SLC39A11: variants seen among roughly 807,000 people sequenced by gnomAD.
SLC39A11 encodes zinc transporter ZIP11.
SLC39A11 carries 33 observed loss-of-function variants against 36.1 expected under a neutral mutation model. The ratio of observed to expected loss-of-function variants is 0.91; its 90% CI spans 0.69 to 1.22. The LOEUF (loss-of-function observed/expected upper bound fraction) is 1.22, where lower values mean the gene tolerates loss of function less well. SLC39A11 is among the 50% of genes most tolerant of loss of function. The pLI, the probability that SLC39A11 is intolerant of heterozygous loss-of-function variation, is 0.00. For synonymous variants in SLC39A11, 166 were observed against 170.3 expected (o/e 0.97, Z 0.20); for missense variants, 432 against 430.3 (o/e 1.00, Z -0.03).
chr17:72,866,686 A>G (rs1009252051), intron 5 of SLC39A11, among the ~76,000 whole-genome samples: 2 of 152,250 alleles, frequency 1.3e-5, no homozygotes, highest in African/African-American at 4.8e-5. Context: ...TGCTGTGTGC[A>G]TTTTTATAAT....
At position 73,046,108 on chromosome 17, in the gene SLC39A11, A is replaced by G. The variant is rs114842265; in HGVS notation, c.148-14394T>C. 2.1e-3 allele frequency among the ~76,000 whole-genome samples: 321 copies of G among 152,298 alleles called. 1 individual carries two copies. The highest frequency in any genetic ancestry group is 7.5e-3 in the African/African-American group (312 of 41,554). ...ACTGATACAAAACGCAAAGATCTATAAGAGAGGAGTTTCTCCCCCTTCACT... is the reference window on the plus strand; with the variant it reads ...ACTGATACAAAACGCAAAGATCTATGAGAGAGGAGTTTCTCCCCCTTCACT... On this transcript the variant is annotated intron_variant, in intron 3 of 9. Coordinates refer to ENST00000255559, the MANE Select transcript of SLC39A11 (RefSeq NM_139177.4).
chr17:72,734,573 G>C (rs2074348018), intron 7 of SLC39A11, among the ~76,000 whole-genome samples: 1 of 152,238 alleles, frequency 6.6e-6, no homozygotes, highest in Non-Finnish European at 1.5e-5. Flanking sequence ...TTGTAACTGA[G>C]AGAGAATCTG....
intron 6 of SLC39A11, among the ~76,000 whole-genome samples, chr17:72,766,567 T>C (rs937292402): frequency 3.3e-5 from 5 of 152,214 alleles, no homozygotes; most frequent in African/African-American, 1.2e-4. Context: ...TTATCACTGC[T>C]TCTTCTGCTA....
intron 4 of SLC39A11, among the ~76,000 whole-genome samples, chr17:73,004,488 C>T (rs770518699): frequency 5.3e-5 from 8 of 152,182 alleles, no homozygotes; most frequent in Non-Finnish European, 1.2e-4. Context: ...ATCCTCACGA[C>T]ATCATCTAAA....
chr17:72,979,601 G>A (rs1338074530), intron 4 of SLC39A11, among the ~76,000 whole-genome samples: 1 of 152,074 alleles, frequency 6.6e-6, no homozygotes, highest in Non-Finnish European at 1.5e-5. Flanking sequence ...GGAAAATTTG[G>A]GTCCTGATGT....
At chr17:72,947,051 T>C (rs1380276866) in intron 5 of SLC39A11, among the ~76,000 whole-genome samples, 3 of 152,232 alleles carry the variant, frequency 2.0e-5, no homozygotes, top group Non-Finnish European at 1.5e-5. Context: ...CCAGGTGCAG[T>C]GGCTCATGCC....
chr17:73,080,105 C>T (rs558196910), intron 3 of SLC39A11, among the ~76,000 whole-genome samples: 3 of 152,260 alleles, frequency 2.0e-5, no homozygotes, highest in African/African-American at 7.2e-5. Context: ...CAAAACACCA[C>T]CATCATTCTT....
intron 5 of SLC39A11, among the ~76,000 whole-genome samples, chr17:72,908,551 G>A (rs1447343990): frequency 1.3e-5 from 2 of 152,316 alleles, no homozygotes; most frequent in African/African-American, 2.4e-5. Flanking sequence ...TTGCCAGGCT[G>A]GTTCTCCATG....
chr17:72,981,416 T>C (rs545898399), intron 4 of SLC39A11, among the ~76,000 whole-genome samples: 1 of 152,272 alleles, frequency 6.6e-6, no homozygotes, highest in Admixed American at 6.5e-5. Context: ...ATAGCTGGCA[T>C]TTACATTAAC....
At chr17:72,849,552 C>T in intron 6 of SLC39A11, 82 bp downstream of exon 6, 2 of 1,385,816 alleles carry the variant, frequency 1.4e-6, no homozygotes, top group South Asian at 1.8e-5. Flanking sequence ...ATTGCCCCTT[C>T]CCCTTTTCCA....
chr17:72,722,727 C>T (rs2713962), intron 7 of SLC39A11, among the ~76,000 whole-genome samples: 111,059 of 151,642 alleles, frequency 0.73, 41,745 homozygotes, highest in African/African-American at 0.82. Flanking sequence ...CTCCGCCTCC[C>T]GGGTTCAAGC....
chr17:72,965,562 G>A (rs1276328242), intron 4 of SLC39A11, among the ~76,000 whole-genome samples: 1 of 152,210 alleles, frequency 6.6e-6, no homozygotes, highest in Non-Finnish European at 1.5e-5. Context: ...GCTAATGTAG[G>A]TGTTTTGAGC....
chr17:72,723,196 A>G (rs1460093290), intron 7 of SLC39A11, among the ~76,000 whole-genome samples: 2 of 152,198 alleles, frequency 1.3e-5, no homozygotes, highest in Non-Finnish European at 2.9e-5. Context: ...TCAGGTTGTC[A>G]GGTGCTTGTC....
chr17:72,678,216 T>A (rs914028375), intron 7 of SLC39A11, among the ~76,000 whole-genome samples: 5 of 152,204 alleles, frequency 3.3e-5, no homozygotes, highest in African/African-American at 1.2e-4. Flanking sequence ...TGTGCATAGT[T>A]TATAAGTATT....
Position 72,902,042 on chromosome 17 carries a change from C to T in SLC39A11, c.430+45710G>A, listed in dbSNP as rs950125071. Among the ~76,000 whole-genome samples the T allele has an allele frequency of 3.3e-5, 5 of 152,130 alleles. No homozygotes were observed. In the South Asian group the frequency reaches 8.3e-4, roughly 25 times the overall value. On this transcript the variant is annotated intron_variant, in intron 5 of 9. Transcript: ENST00000255559. ...ATCCCAGCACTTTGAAAGGCCGAGG[C>T]GGGTGGATTACCTGAGGTCGAGAGT...
At chr17:73,026,322 G>C (rs1291000441) in intron 4 of SLC39A11, among the ~76,000 whole-genome samples, 1 of 151,770 alleles carries the variant, frequency 6.6e-6, no homozygotes, top group African/African-American at 2.4e-5. Flanking sequence ...TCAGGAGTTC[G>C]AGACCAGCCA....
chr17:72,931,243 A>T (rs1449444059), intron 5 of SLC39A11, among the ~76,000 whole-genome samples: 3 of 152,230 alleles, frequency 2.0e-5, no homozygotes, highest in Non-Finnish European at 4.4e-5. Flanking sequence ...AAAAAAGACA[A>T]GACGAGATGA....
Position 72,838,252 on chromosome 17 carries a change from A to G in SLC39A11, c.601+11382T>C, listed in dbSNP as rs147038027. Reference sequence around the variant, plus strand: ...TTTTCTTTTTTTTTTTTTTTGAGACAAGGTCTTGCTCTGTCACCTTGGCTG... The same window carrying G: ...TTTTCTTTTTTTTTTTTTTTGAGACGAGGTCTTGCTCTGTCACCTTGGCTG... On this transcript the variant is annotated intron_variant, in intron 6 of 9. Transcript: ENST00000255559. 7.4e-3 allele frequency: 2,595 copies of G among 352,040 alleles called. 55 individuals carry two copies. The highest frequency in any genetic ancestry group is 0.051 in the African/African-American group (2,364 of 46,428). The allele number at this position is 352,040 out of a possible 1,614,324, so 21.8% of individuals were successfully genotyped here. A position where few individuals can be genotyped will look rare whatever the true frequency, so the allele number is the denominator to read the frequency against.
At chr17:73,055,933 G>A (rs904639114) in intron 3 of SLC39A11, among the ~76,000 whole-genome samples, 3 of 152,112 alleles carry the variant, frequency 2.0e-5, no homozygotes, top group South Asian at 2.1e-4. Context: ...AGCCATTCCG[G>A]TTCTGTGGGC....
Sources: allele counts gnomAD v4.1 joint callset (sites outside exome capture counted in the v4.1 genomes callset), GRCh38; gene constraint gnomAD v4.1.1; transcripts MANE v1.5; gene names NCBI Gene and HGNC (gene_info 2026-07-23, HGNC 2026-07-21).